The following SYN1 variants were observed in gnomAD, a reference collection of about 807,000 sequenced individuals.
SYN1 encodes the protein synapsin I, also known as synapsin-1.
In SYN1, 8 loss-of-function variants were observed where a neutral mutation model predicts 44.6. The ratio of observed to expected loss-of-function variants is 0.18; its 90% confidence interval spans 0.11 to 0.32. SYN1 has a LOEUF of 0.32. Among genes scored for constraint, SYN1 ranks in the 10% least tolerant of loss-of-function variants. The pLI is 1.00. For synonymous variants in SYN1, 275 were observed against 280.1 expected (o/e 0.98, Z 0.18); for missense variants, 451 against 639.4 (o/e 0.71, Z 3.18).
intron 1 of SYN1, among the ~76,000 whole-genome samples, chrX:47,619,025 G>A (rs1021366206): frequency 2.7e-5 from 3 of 110,996 alleles, no homozygotes; most frequent in African/African-American, 6.6e-5. Context: ...TATGGGGCAA[G>A]GGTTGGGGAG....
chrX:47,594,089 C>T (rs1229776757), intron 5 of SYN1, among the ~76,000 whole-genome samples: 1 of 110,699 alleles, frequency 9.0e-6, no homozygotes, highest in African/African-American at 3.3e-5. Context: ...AAAGAATTAG[C>T]TAGGCATGGT....
chrX:47,588,334 C>T (rs1398848233), intron 5 of SYN1, among the ~76,000 whole-genome samples: 6 of 112,791 alleles, frequency 5.3e-5, no homozygotes, highest in Middle Eastern at 4.6e-3. Context: ...AGAGGCTGAC[C>T]GCTCCTGGCA....
intron 5 of SYN1, among the ~76,000 whole-genome samples, chrX:47,591,634 T>C (rs936529942): frequency 9.2e-6 from 1 of 108,718 alleles, no homozygotes; most frequent in East Asian, 2.9e-4. Context: ...GGTGGGAGAA[T>C]TGCTTGAACT....
At chrX:47,598,111 T>A (rs1243885991) in intron 5 of SYN1, among the ~76,000 whole-genome samples, 3 of 112,407 alleles carry the variant, frequency 2.7e-5, no homozygotes, top group Non-Finnish European at 5.6e-5. Flanking sequence ...CCTGTAAAGT[T>A]AACTACATAG....
At chrX:47,575,087 C>T (rs781723661) in intron 10 of SYN1, 41 bp downstream of exon 10, 6 of 1,175,528 alleles carry the variant, frequency 5.1e-6, no homozygotes, top group Non-Finnish European at 6.8e-6. Context: ...CCGGCCTCCC[C>T]ACACTAGCTC....
chrX:47,607,740 A>AAC (rs1442122771), intron 1 of SYN1, among the ~76,000 whole-genome samples: 4 of 107,826 alleles, frequency 3.7e-5, no homozygotes, highest in Non-Finnish European at 5.8e-5. Context: ...AAAAAAAAAA[A>AAC]AAAAACAAAA....
chrX:47,596,779 T>C (rs2057864878), intron 5 of SYN1, among the ~76,000 whole-genome samples: 1 of 111,767 alleles, frequency 8.9e-6, no homozygotes, highest in South Asian at 3.7e-4. Context: ...CACATTATAT[T>C]ATTTAAATGT....
At chrX:47,579,353 G>T in intron 5 of SYN1, among the ~76,000 whole-genome samples, 1 of 111,310 alleles carries the variant, frequency 9.0e-6, no homozygotes, top group African/African-American at 3.3e-5. Context: ...CTCCTGGAAA[G>T]CCCTAGGTCT....
chrX:47,578,272 A>G (rs1249788675), intron 5 of SYN1, among the ~76,000 whole-genome samples: 1 of 110,955 alleles, frequency 9.0e-6, no homozygotes, highest in East Asian at 2.8e-4. Context: ...CGTCCAATCA[A>G]GAGACACACA....
chrX:47,575,104 C>G (rs1469339753), intron 10 of SYN1, 24 bp downstream of exon 10: 3 of 1,183,065 alleles, frequency 2.5e-6, no homozygotes, highest in Non-Finnish European at 3.4e-6. Context: ...GCTCAAGCCA[C>G]TAGCTCAGCG....
chrX:47,597,341 A>AG (rs1191298831), intron 5 of SYN1, among the ~76,000 whole-genome samples: 1 of 110,282 alleles, frequency 9.1e-6, no homozygotes, highest in African/African-American at 3.3e-5. Flanking sequence ...ATCTCAAAAA[A>AG]AAAAAAAAAA....
At chrX:47,605,907 T>C (rs951219560) in intron 3 of SYN1, among the ~76,000 whole-genome samples, 1 of 109,711 alleles carries the variant, frequency 9.1e-6, no homozygotes, top group Non-Finnish European at 1.9e-5. Flanking sequence ...TTTTCTTTTT[T>C]TTTTTTCTGT....
intron 5 of SYN1, among the ~76,000 whole-genome samples, chrX:47,597,035 A>C (rs756574705): frequency 8.9e-6 from 1 of 112,277 alleles, no homozygotes; most frequent in African/African-American, 3.2e-5. Flanking sequence ...GAGAAATTAC[A>C]TGAAAAAGAA....
At chrX:47,607,495 A>T (rs760078467) in intron 1 of SYN1, among the ~76,000 whole-genome samples, 9 of 111,328 alleles carry the variant, frequency 8.1e-5, no homozygotes, top group Non-Finnish European at 1.1e-4. Flanking sequence ...TAAATTTTTT[A>T]AAAAAACTTC....
intron 5 of SYN1, chrX:47,585,716 T>C (rs2057822475): frequency 8.3e-7 from 1 of 1,199,254 alleles, no homozygotes; most frequent in African/African-American, 1.8e-5. Context: ...CCCGGGGCCA[T>C]TCCCTAAATC....
chrX:47,586,998 C>T (rs1280884093), intron 5 of SYN1, among the ~76,000 whole-genome samples: 1 of 112,910 alleles, frequency 8.9e-6, no homozygotes, highest in Non-Finnish European at 1.9e-5. Flanking sequence ...CATTATCAAC[C>T]GTAACCTCTG....
chrX:47,611,551 G>A (rs1364808441), intron 1 of SYN1, among the ~76,000 whole-genome samples: 3 of 111,985 alleles, frequency 2.7e-5, no homozygotes, highest in East Asian at 5.6e-4. Flanking sequence ...ACACTCACAT[G>A]AGACTGATGA....
intron 11 of SYN1, 32 bp downstream of exon 11, chrX:47,574,656 G>C (rs1272939629): frequency 1.8e-5 from 21 of 1,149,818 alleles, no homozygotes; most frequent in Non-Finnish European, 2.1e-5. Flanking sequence ...CGGGCTGAGG[G>C]AGGGGACTGC....
chrX:47,602,758 T>G (rs1403951353), intron 5 of SYN1, among the ~76,000 whole-genome samples: 1 of 112,383 alleles, frequency 8.9e-6, no homozygotes, highest in African/African-American at 3.2e-5. Flanking sequence ...TTGCTAATAT[T>G]AGTAGCAATG....
Sources: allele counts gnomAD v4.1 joint callset (sites outside exome capture counted in the v4.1 genomes callset), GRCh38; gene constraint gnomAD v4.1.1; transcripts MANE v1.5; gene names NCBI Gene and HGNC (gene_info 2026-07-23, HGNC 2026-07-21).